The following PPP4R2 variants were observed in gnomAD, a reference collection of about 807,000 sequenced individuals.
PPP4R2 encodes the protein protein phosphatase 4 regulatory subunit 2.
Under a neutral mutation model 47.2 loss-of-function variants are expected in PPP4R2, and 13 were observed. That is an observed-to-expected ratio of 0.28 (90% CI 0.18 to 0.44). The LOEUF is 0.44. Among genes scored for constraint, PPP4R2 ranks in the 20% least tolerant of loss-of-function variants. PPP4R2 has a pLI of 1.00. For missense variants in PPP4R2, 421 were observed against 491.2 expected (o/e 0.86, Z 1.35); for synonymous variants, 151 against 163.3 (o/e 0.92, Z 0.57).
At position 73,055,839 on chromosome 3, in the gene PPP4R2, T is replaced by C. The variant is rs868660985; in HGVS notation, c.288-3198T>C. 2.6e-4 allele frequency among the ~76,000 whole-genome samples: 39 copies of C among 152,194 alleles called. No individual in the cohort carries two copies. The South Asian group carries it at 2.7e-3, about 11-fold the overall frequency. ...CAGGCTGGTTCTTGAACTCCTGACC[T>C]CAGGGGATCGCCTGCTTCGGCTTCC... On this transcript the variant is annotated intron_variant, in intron 3 of 8. Transcript: ENST00000356692.
chr3:73,059,171 A>G (rs762849300), intron 4 of PPP4R2, 41 bp downstream of exon 4: 12 of 992,382 alleles, frequency 1.2e-5, no homozygotes, highest in Non-Finnish European at 1.8e-5. Context: ...GCTGTGGTGT[A>G]ATAGCTTTTA....
intron 2 of PPP4R2, among the ~76,000 whole-genome samples, chr3:73,014,470 A>G (rs6767877): frequency 0.13 from 19,811 of 151,872 alleles, 1,583 homozygotes; most frequent in East Asian, 0.36. Context: ...ATTTTTTTGT[A>G]GAGATGGGGT....
In PPP4R2 at chr3:73,065,570, G is replaced by A. The variant is rs558386739; in HGVS notation, c.1102G>A (p.Gly368Ser). ...ACATTCTGAAGGTAGTGAAAACGAA[G>A]GCCCTGTAAGTAGTAGTTCTTCTGA... is the stretch of plus-strand genomic sequence containing the variant. ...LLHSEGSENE[G>S]PVSSSSSDCR... The change falls in exon 9 of 9, where the codon GGC becomes AGC. Residue 368 changes from glycine to serine, a missense_variant. Physicochemically the swap from Gly to Ser is moderately conservative, Grantham distance 56. Around this residue, in one of 2 missense-constraint regions of PPP4R2, gnomAD observed 317 missense variants for 287.5 expected, o/e 1.10. Transcript: ENST00000356692. 5.6e-6 allele frequency: 9 copies of A among 1,613,460 alleles called. No homozygotes were observed. The Admixed American group carries it at 1.5e-4, about 27-fold the overall frequency.
chr3:73,027,224 T>C (rs961921852), intron 2 of PPP4R2, among the ~76,000 whole-genome samples: 5 of 152,216 alleles, frequency 3.3e-5, no homozygotes, highest in Non-Finnish European at 5.9e-5. Context: ...CCTCCCAGGT[T>C]GAAGCTCTTC....
intron 3 of PPP4R2, among the ~76,000 whole-genome samples, chr3:73,056,699 A>G (rs991499974): frequency 1.4e-4 from 21 of 152,226 alleles, no homozygotes; most frequent in African/African-American, 5.1e-4. Context: ...CTATGTAAAC[A>G]CATACCCCCC....
At chr3:73,001,835 G>C (rs553293580) in intron 2 of PPP4R2, among the ~76,000 whole-genome samples, 21 of 152,130 alleles carry the variant, frequency 1.4e-4, no homozygotes, top group African/African-American at 4.8e-4. Flanking sequence ...CACCATGTTG[G>C]CCAGGATGAT....
intron 2 of PPP4R2, among the ~76,000 whole-genome samples, chr3:73,043,515 C>T (rs1575872365): frequency 6.6e-6 from 1 of 152,176 alleles, no homozygotes; most frequent in Non-Finnish European, 1.5e-5. Flanking sequence ...AGGAACTGCC[C>T]AAGTACTTTC....
At chr3:73,031,791 A>G (rs1702169446) in intron 2 of PPP4R2, among the ~76,000 whole-genome samples, 2 of 152,022 alleles carry the variant, frequency 1.3e-5, no homozygotes, top group African/African-American at 4.8e-5. Flanking sequence ...TCAGAACACT[A>G]CCCTCATACC....
chr3:73,032,556 G>A (rs1035680631), intron 2 of PPP4R2, among the ~76,000 whole-genome samples: 1 of 152,022 alleles, frequency 6.6e-6, no homozygotes, highest in African/African-American at 2.4e-5. Context: ...CAAAGTGCTG[G>A]GATTACAGGC....
At chr3:73,020,981 T>A (rs1701948218) in intron 2 of PPP4R2, among the ~76,000 whole-genome samples, 1 of 152,070 alleles carries the variant, frequency 6.6e-6, no homozygotes, top group African/African-American at 2.4e-5. Context: ...ACACATGAAT[T>A]TTAGTGGTGT....
intron 2 of PPP4R2, among the ~76,000 whole-genome samples, chr3:73,021,341 C>G (rs1701956599): frequency 6.6e-6 from 1 of 151,702 alleles, no homozygotes; most frequent in Non-Finnish European, 1.5e-5. Flanking sequence ...TCAGGTGATC[C>G]TCCCGCCTCA....
chr3:73,034,583 A>G (rs1465701473), intron 2 of PPP4R2, among the ~76,000 whole-genome samples: 2 of 152,178 alleles, frequency 1.3e-5, no homozygotes, highest in Admixed American at 1.3e-4. Flanking sequence ...CCCAGGCTGC[A>G]GTGCAGTGGC....
intron 3 of PPP4R2, among the ~76,000 whole-genome samples, chr3:73,053,231 C>T (rs1291131000): frequency 6.6e-6 from 1 of 152,162 alleles, no homozygotes; most frequent in Admixed American, 6.5e-5. Context: ...GTCTCTCTCA[C>T]ATACACAAAC....
rs1360020220 is a variant in PPP4R2, at chr3:72,999,756, C to T, written c.116+1598C>T. Among the ~76,000 whole-genome samples the T allele has an allele frequency of 3.9e-5, 6 of 152,284 alleles. No individual in the cohort carries two copies. The South Asian group carries it at 1.2e-3, about 32-fold the overall frequency. On this transcript the variant is annotated intron_variant, in intron 2 of 8. Transcript: ENST00000356692. ...AGAAGAGGACTTAAAATTCCCAATC[C>T]TCCACCCCATATTCGGTGTTTATGT... is the stretch of plus-strand genomic sequence containing the variant.
At chr3:73,039,102 G>A (rs1470175032) in intron 2 of PPP4R2, among the ~76,000 whole-genome samples, 1 of 152,168 alleles carries the variant, frequency 6.6e-6, no homozygotes. Context: ...AAATATTTTA[G>A]TGTCATTTCA....
intron 2 of PPP4R2, among the ~76,000 whole-genome samples, chr3:73,044,024 G>T (rs2107303704): frequency 6.6e-6 from 1 of 152,206 alleles, no homozygotes; most frequent in South Asian, 2.1e-4. Context: ...ATTTCACTTT[G>T]CATAATGCCA....
intron 2 of PPP4R2, among the ~76,000 whole-genome samples, chr3:73,033,812 G>A (rs1170097940): frequency 2.6e-5 from 4 of 152,170 alleles, no homozygotes; most frequent in Admixed American, 6.6e-5. Flanking sequence ...TTCACGTAAT[G>A]CTTTCAGGGT....
At chr3:73,040,984 T>C (rs1479120200) in intron 2 of PPP4R2, among the ~76,000 whole-genome samples, 3 of 149,744 alleles carry the variant, frequency 2.0e-5, no homozygotes, top group Non-Finnish European at 4.4e-5. Context: ...AATGTTACTT[T>C]AGTGATGATG....
chr3:73,063,930 T>C (rs1337394133), intron 6 of PPP4R2, 73 bp from the exon 7 acceptor site: 25 of 1,337,822 alleles, frequency 1.9e-5, no homozygotes, highest in Non-Finnish European at 2.6e-5. Context: ...CTGTGATGTA[T>C]TCACATCAAC....
Sources: allele counts gnomAD v4.1 joint callset (sites outside exome capture counted in the v4.1 genomes callset), GRCh38; gene constraint gnomAD v4.1.1; regional missense constraint gnomAD v4.1.1; transcripts MANE v1.5; gene names NCBI Gene and HGNC (gene_info 2026-07-23, HGNC 2026-07-21).